MICAL2: variants seen among roughly 807,000 people sequenced by gnomAD.
MICAL2 encodes [F-actin]-monooxygenase MICAL2.
Under a neutral mutation model 127.3 loss-of-function variants are expected in MICAL2, and 77 were observed. That is an observed-to-expected ratio of 0.60 (90% CI 0.50 to 0.73). The LOEUF is 0.73. Among genes scored for constraint, MICAL2 ranks in the 30% least tolerant of loss-of-function variants. MICAL2 has a pLI of 0.00. For missense variants in MICAL2, 1,351 were observed against 1,434.4 expected (o/e 0.94, Z 0.94); for synonymous variants, 570 against 551.1 (o/e 1.03, Z -0.48).
downstream of MICAL2, chr11:12,292,358 A>G (rs1026224362): frequency 1.4e-5 from 21 of 1,552,766 alleles, 1 homozygote; most frequent in South Asian, 2.1e-4. Flanking sequence ...TACTCTTCCC[A>G]CCTTCCACAC....
chr11:12,302,034 C>G (rs1310193891), intron 29 of MICAL2, among the ~76,000 whole-genome samples: 1 of 152,154 alleles, frequency 6.6e-6, no homozygotes, highest in African/African-American at 2.4e-5. Flanking sequence ...ATTCTGGCAA[C>G]CTTGAGTTTT....
chr11:12,114,006 T>C (rs1188817283), intron 1 of MICAL2, among the ~76,000 whole-genome samples: 1 of 152,236 alleles, frequency 6.6e-6, no homozygotes, highest in African/African-American at 2.4e-5. Flanking sequence ...CCTTAGCTTT[T>C]ATGCGAGCTA....
chr11:12,150,293 G>C (rs1349136888), intron 2 of MICAL2, among the ~76,000 whole-genome samples: 1 of 152,118 alleles, frequency 6.6e-6, no homozygotes, highest in Non-Finnish European at 1.5e-5. Flanking sequence ...CTTTTTCTAA[G>C]CGTGTTTGAG....
At chr11:12,176,528 C>G (rs906536792) in intron 3 of MICAL2, among the ~76,000 whole-genome samples, 1 of 152,174 alleles carries the variant, frequency 6.6e-6, no homozygotes, top group Non-Finnish European at 1.5e-5. Flanking sequence ...TCTTTAAGTG[C>G]ACAGTTCAGT....
Position 12,213,266 on chromosome 11 carries a change from A to G in MICAL2, c.703A>G (p.Lys235Glu). The G allele has an allele frequency of 6.2e-7, 1 of 1,612,066 alleles. No homozygotes were observed. The highest frequency in any genetic ancestry group is 8.5e-7 in the Non-Finnish European group (1 of 1,178,976). ...RRNTLEGFRRKEFRGKLAIAI... is the reference protein window; with the variant it reads ...RRNTLEGFRREEFRGKLAIAI... Reference sequence around the variant, plus strand: ...TTCTCCTCATGCAGGGTTCAGAAGAAAAGAATTCCGTGGGAAGCTGGCGAT... The same window carrying G: ...TTCTCCTCATGCAGGGTTCAGAAGAGAAGAATTCCGTGGGAAGCTGGCGAT... Residue 235 changes from lysine (K) to glutamate (E), a missense_variant, in exon 7 of 28, where the codon AAA (lysine) becomes GAA (glutamate). Coordinates refer to ENST00000683283, the MANE Select transcript of MICAL2 (RefSeq NM_001282663.2).
Position 12,314,645 on chromosome 11 carries a change from A to ATTTTTTTTT in MICAL2, c.5213-5045_5213-5037dup, listed in dbSNP as rs545442574. Among the ~76,000 whole-genome samples the ATTTTTTTTT allele has an allele frequency of 4.1e-5, 5 of 123,030 alleles. 1 individual carries two copies. The highest frequency in any genetic ancestry group is 2.4e-4 in the East Asian group (1 of 4,184). 80.7% of individuals were successfully genotyped at this position (123,030 alleles called of 152,430 possible). A position where few individuals can be genotyped will look rare whatever the true frequency, so the allele number is the denominator to read the frequency against. The stretch of plus-strand genomic sequence containing the variant: ...AGGCGCCCGCCACCATGCCCAGCTA[A>ATTTTTTTTT]TTTTTTTTTTTTTTGTATTTTTAGT... On this transcript the variant is annotated intron_variant, in intron 29 of 34. Coordinates refer to the MICAL2 transcript ENST00000646065.
intron 3 of MICAL2, among the ~76,000 whole-genome samples, chr11:12,165,651 G>A (rs1855416492): frequency 6.6e-6 from 1 of 152,208 alleles, no homozygotes; most frequent in South Asian, 2.1e-4. Flanking sequence ...CATTTCACAA[G>A]CATTTATCAG....
chr11:12,314,668 A>G, intron 29 of MICAL2, among the ~76,000 whole-genome samples: 1 of 58,612 alleles, frequency 1.7e-5, no homozygotes, highest in Non-Finnish European at 3.7e-5. Context: ...TTGTATTTTT[A>G]GTAGAGACGG....
At chr11:12,248,889 T>G (rs1209660404) in intron 21 of MICAL2, among the ~76,000 whole-genome samples, 1 of 140,996 alleles carries the variant, frequency 7.1e-6, no homozygotes, top group African/African-American at 2.6e-5. Context: ...GATTTTAATT[T>G]GCGTAGTGCT....
rs1025605097 is a variant in MICAL2, at chr11:12,226,117, G to C, written c.1689-54G>C. ...CTTACCACCTGAAGGTGCTCAGCTC[G>C]CCACACCTCTGCCTCCTCTCCCTGA... On this transcript the variant is annotated intron_variant, in intron 13 of 27. Transcript: ENST00000683283. The C allele has an allele frequency of 3.0e-5, 47 of 1,580,072 alleles. No homozygotes were observed. In the East Asian group the frequency reaches 4.9e-4, roughly 17 times the overall value.
intron 3 of MICAL2, among the ~76,000 whole-genome samples, chr11:12,185,415 A>G (rs983904984): frequency 6.6e-6 from 1 of 152,138 alleles, no homozygotes; most frequent in Admixed American, 6.5e-5. Flanking sequence ...TCCCACAAAG[A>G]AGATAAGCTT....
At chr11:12,129,885 T>C (rs1851275648) in intron 1 of MICAL2, among the ~76,000 whole-genome samples, 1 of 152,088 alleles carries the variant, frequency 6.6e-6, no homozygotes, top group African/African-American at 2.4e-5. Context: ...TTTTTTCTTT[T>C]GTTTTTAGTT....
intron 29 of MICAL2, among the ~76,000 whole-genome samples, chr11:12,318,364 A>G (rs1466526231): frequency 1.3e-5 from 2 of 152,236 alleles, no homozygotes; most frequent in African/African-American, 4.8e-5. Flanking sequence ...TCCCATTATT[A>G]TACTGCTCTC....
chr11:12,177,059 T>G (rs1856919852), intron 3 of MICAL2, among the ~76,000 whole-genome samples: 1 of 152,236 alleles, frequency 6.6e-6, no homozygotes, highest in Non-Finnish European at 1.5e-5. Context: ...TAATTCTATT[T>G]TTACTTTTTT....
At chr11:12,257,001 C>T in intron 24 of MICAL2, 30 bp downstream of exon 24, 1 of 1,588,582 alleles carries the variant, frequency 6.3e-7, no homozygotes, top group South Asian at 1.1e-5. Flanking sequence ...CAGCACTGGG[C>T]TCTGGCCTTG....
chr11:12,255,405 A>G (rs774931614), intron 22 of MICAL2: 6 of 519,854 alleles, frequency 1.2e-5, no homozygotes, highest in Non-Finnish European at 2.1e-5. Flanking sequence ...TACCACATAT[A>G]AGTGGAATCC....
At chr11:12,242,057 G>C (rs552338171) in intron 18 of MICAL2, 157 bp from the exon 19 acceptor site, 2 of 597,634 alleles carry the variant, frequency 3.3e-6, no homozygotes, top group East Asian at 5.8e-5. Context: ...TTTTGATGCA[G>C]GTGGTGGAGA....
intron 24 of MICAL2, among the ~76,000 whole-genome samples, chr11:12,270,621 G>A (rs1204785220): frequency 1.3e-5 from 2 of 152,322 alleles, no homozygotes; most frequent in Non-Finnish European, 2.9e-5. Context: ...CTGTCTGGAT[G>A]CTTCTGTTGA....
intron 3 of MICAL2, among the ~76,000 whole-genome samples, chr11:12,170,875 C>A (rs1856162445): frequency 6.6e-6 from 1 of 152,206 alleles, no homozygotes; most frequent in Non-Finnish European, 1.5e-5. Context: ...CCTGGTTCAT[C>A]CCCGCGTCTC....
Sources: gnomAD v4.1 joint callset for allele counts (sites outside exome capture counted in the v4.1 genomes callset) on GRCh38, gnomAD v4.1.1 for gene constraint, MANE v1.5 for transcripts, NCBI Gene and HGNC (gene_info 2026-07-23, HGNC 2026-07-21) for gene names.